GDA: variants seen among roughly 807,000 people sequenced by gnomAD.
GDA encodes cytoplasmic PSD-95 interactor.
Under a neutral mutation model 59.6 loss-of-function variants are expected in GDA, and 18 were observed. That is an observed-to-expected ratio of 0.30 (90% CI 0.21 to 0.45). GDA has a LOEUF of 0.45. Ranked by LOEUF, GDA falls within the 20% of genes least tolerant of loss-of-function variation. The pLI is 1.00. For synonymous variants in GDA, 201 were observed against 201.1 expected, an observed-to-expected ratio of 1.00 and a Z score of 0.00; for missense variants, 427 against 552.3, an observed-to-expected ratio of 0.77 and a Z score of 2.27.
intron 1 of GDA, among the ~76,000 whole-genome samples, chr9:72,182,107 A>G (rs1440995688): frequency 6.6e-6 from 1 of 152,054 alleles, no homozygotes; most frequent in African/African-American, 2.4e-5. Flanking sequence ...TTTTTTCCCT[A>G]AAAAATAAGG....
chr9:72,170,069 A>G (rs1382655820), intron 1 of GDA, among the ~76,000 whole-genome samples: 2 of 152,230 alleles, frequency 1.3e-5, no homozygotes, highest in African/African-American at 4.8e-5. Context: ...AATGGGGCAT[A>G]AAGATTTTTC....
intron 1 of GDA, among the ~76,000 whole-genome samples, chr9:72,115,564 A>G (rs1035565907): frequency 6.6e-6 from 1 of 152,232 alleles, no homozygotes; most frequent in African/African-American, 2.4e-5. Flanking sequence ...AAGATAGAAT[A>G]TTTGTTATTT....
At chr9:72,163,891 C>A (rs1310738235) in intron 1 of GDA, among the ~76,000 whole-genome samples, 1 of 152,172 alleles carries the variant, frequency 6.6e-6, no homozygotes, top group Non-Finnish European at 1.5e-5. Flanking sequence ...GTTTCAGCAG[C>A]CAGGCTTGCA....
chr9:72,133,229 G>A (rs1290779660), intron 1 of GDA, among the ~76,000 whole-genome samples: 4 of 143,980 alleles, frequency 2.8e-5, no homozygotes, highest in Non-Finnish European at 6.0e-5. Context: ...GGCGGAGGTT[G>A]TAGTGAACCG....
At position 72,251,026 on chromosome 9, in the gene GDA, T is replaced by C. The variant is rs181382887; in HGVS notation, c.*2684T>C. 3.3e-3 allele frequency: 1,798 copies of C among 551,662 alleles called. 11 individuals carry two copies. The highest frequency in any genetic ancestry group is 7.1e-3 in the Admixed American group (221 of 31,056). The allele number at this position is 551,662 out of a possible 1,614,324, so 34.2% of individuals were successfully genotyped here. ...CCAAGGAGACTGTTCCCTAATTTAT[T>C]CTCTTGGCTGGTTCTCTCATTGAAT... On this transcript the variant is annotated 3_prime_UTR_variant, in exon 14 of 14. Transcript: ENST00000358399.
chr9:72,141,999 A>T (rs1252428864), intron 1 of GDA, among the ~76,000 whole-genome samples: 1 of 152,222 alleles, frequency 6.6e-6, no homozygotes, highest in Non-Finnish European at 1.5e-5. Flanking sequence ...GGATTGTTCA[A>T]CAAATTCAAG....
chr9:72,125,362 CTT>C (rs1825810036), intron 1 of GDA, among the ~76,000 whole-genome samples: 1 of 136,146 alleles, frequency 7.3e-6, no homozygotes, highest in Admixed American at 7.6e-5. Context: ...CTCTCTCTCT[CTT>C]TCTTTTTCTT....
At chr9:72,252,454 T>G (rs1402986996), downstream of GDA, among the ~76,000 whole-genome samples, 1 of 152,178 alleles carries the variant, frequency 6.6e-6, no homozygotes, top group Admixed American at 6.5e-5. Context: ...TGCTATTGCT[T>G]TTGATTTCAG....
chr9:72,245,568 G>C (rs1840052753), intron 12 of GDA, among the ~76,000 whole-genome samples: 1 of 152,152 alleles, frequency 6.6e-6, no homozygotes, highest in Non-Finnish European at 1.5e-5. Context: ...TGCTGGGTAG[G>C]CATGGGATTA....
intron 5 of GDA, among the ~76,000 whole-genome samples, chr9:72,215,315 C>T (rs550618425): frequency 1.4e-5 from 2 of 140,124 alleles, no homozygotes; most frequent in East Asian, 4.2e-4. Context: ...CTTAGAGAAA[C>T]ACAAAAAGGT....
intron 5 of GDA, among the ~76,000 whole-genome samples, chr9:72,219,263 C>T (rs1299904745): frequency 1.3e-5 from 2 of 151,792 alleles, no homozygotes; most frequent in African/African-American, 4.8e-5. Flanking sequence ...ATTAGCTGGA[C>T]GTGGTGGCGG....
intron 1 of GDA, among the ~76,000 whole-genome samples, chr9:72,156,014 G>A (rs973800991): frequency 6.6e-6 from 1 of 152,206 alleles, no homozygotes; most frequent in African/African-American, 2.4e-5. Context: ...GACTTCAGCG[G>A]TTATTGTCAG....
chr9:72,183,481 CA>C (rs1831508784), intron 1 of GDA, among the ~76,000 whole-genome samples: 1 of 151,758 alleles, frequency 6.6e-6, no homozygotes, highest in Non-Finnish European at 1.5e-5. Context: ...AGGAAAGGCA[CA>C]AAGAAATAGT....
chr9:72,216,632 G>A (rs1197356357), intron 5 of GDA, among the ~76,000 whole-genome samples: 3 of 152,040 alleles, frequency 2.0e-5, no homozygotes, highest in Non-Finnish European at 4.4e-5. Flanking sequence ...GCAAATTCAT[G>A]GAGACAGAAC....
At chr9:72,122,519 A>G (rs1360443100) in intron 1 of GDA, among the ~76,000 whole-genome samples, 1 of 151,982 alleles carries the variant, frequency 6.6e-6, no homozygotes, top group African/African-American at 2.4e-5. Flanking sequence ...AACTTTATGG[A>G]ACGGAGAGTT....
intron 4 of GDA, among the ~76,000 whole-genome samples, chr9:72,211,278 T>C (rs1458385711): frequency 6.6e-6 from 1 of 152,230 alleles, no homozygotes; most frequent in Non-Finnish European, 1.5e-5. Context: ...ACTATGGTGC[T>C]GTTACTAGAC....
chr9:72,221,323 T>C (rs1377742942), intron 6 of GDA, among the ~76,000 whole-genome samples: 1 of 152,190 alleles, frequency 6.6e-6, no homozygotes, highest in African/African-American at 2.4e-5. Context: ...ATCAGAGCCT[T>C]AATGTGGTGG....
At chr9:72,172,646 T>G (rs1447916882) in intron 1 of GDA, among the ~76,000 whole-genome samples, 2 of 152,200 alleles carry the variant, frequency 1.3e-5, no homozygotes, top group African/African-American at 4.8e-5. Flanking sequence ...ACACCATACC[T>G]GGATGTGGCC....
chr9:72,116,163 G>A (rs373167382), intron 1 of GDA, among the ~76,000 whole-genome samples: 1 of 152,024 alleles, frequency 6.6e-6, no homozygotes, highest in Non-Finnish European at 1.5e-5. Context: ...GAACCTGGGA[G>A]GGGGAGGTTG....
Sources: allele counts gnomAD v4.1 joint callset (sites outside exome capture counted in the v4.1 genomes callset), GRCh38; gene constraint gnomAD v4.1.1; transcripts MANE v1.5; gene names NCBI Gene and HGNC (gene_info 2026-07-23, HGNC 2026-07-21).